The following PLA2G5 variants were observed in gnomAD, a reference collection of about 807,000 sequenced individuals.
PLA2G5 encodes the protein Ca2+-dependent phospholipase A2.
In PLA2G5, 12 loss-of-function variants were observed where a neutral mutation model predicts 15.9. The ratio of observed to expected loss-of-function variants is 0.76; its 90% CI spans 0.48 to 1.23. PLA2G5 has a LOEUF of 1.23. Among genes scored for constraint, PLA2G5 ranks in the 50% most tolerant of loss-of-function variants. The pLI is 0.00. For synonymous variants in PLA2G5, 71 were observed against 71.4 expected (o/e 0.99, Z 0.03); for missense variants, 169 against 177.1 (o/e 0.95, Z 0.26).
intron 2 of PLA2G5, among the ~76,000 whole-genome samples, chr1:20,059,916 T>A (rs937297198): frequency 6.6e-6 from 1 of 152,144 alleles, no homozygotes; most frequent in Non-Finnish European, 1.5e-5. Context: ...CCTTAACAGA[T>A]CAGTTCTGGG....
At position 20,070,340 on chromosome 1, in the gene PLA2G5, G is replaced by A; in HGVS notation, c.-136G>A. 1.0e-6 allele frequency: 1 copy of A among 985,516 alleles called. No individual in the cohort carries two copies. Among genetic ancestry groups the A allele is most frequent in the Non-Finnish European group, 1.2e-6 (1 of 829,978 alleles). The allele number at this position is 985,516 out of a possible 1,614,324, so 61.0% of individuals were successfully genotyped here. On this transcript the variant is annotated 5_prime_UTR_variant, in exon 1 of 5. Coordinates refer to ENST00000375108, the MANE Select transcript of PLA2G5 (RefSeq NM_000929.3). ...GAATTTGACTCCCCCCGGATCCATG[G>A]TCTGTGGATACCAATGTTCCGACTG...
At position 20,081,189 on chromosome 1, in the gene PLA2G5, C is replaced by T. The variant is rs142795433; in HGVS notation, c.-10-3632C>T. Among the ~76,000 whole-genome samples the T allele has an allele frequency of 7.4e-4, 113 of 151,820 alleles. 3 individuals carry two copies. The East Asian group carries it at 0.02, about 27-fold the overall frequency. Reference sequence around the variant, plus strand: ...CCTCTGAAATTCTCTCGCGGCTATGCGCTTCCTCTCTGTGGTCGTTTGATT... The same window carrying T: ...CCTCTGAAATTCTCTCGCGGCTATGTGCTTCCTCTCTGTGGTCGTTTGATT... On this transcript the variant is annotated intron_variant, in intron 1 of 4. Transcript: ENST00000375108.
At chr1:20,057,726 T>G (rs1236197089) in intron 1 of PLA2G5, among the ~76,000 whole-genome samples, 1 of 152,228 alleles carries the variant, frequency 6.6e-6, no homozygotes, top group Non-Finnish European at 1.5e-5. Context: ...CTCAAACTCC[T>G]GACCTCAGGT....
chr1:20,047,341 TTCC>T (rs1038797940), intron 1 of PLA2G5, among the ~76,000 whole-genome samples: 42 of 151,716 alleles, frequency 2.8e-4, no homozygotes, highest in African/African-American at 9.7e-4. Flanking sequence ...CACAGCTCAG[TTCC>T]TCCTTTTAGG....
intron 3 of PLA2G5, among the ~76,000 whole-genome samples, chr1:20,087,471 G>A (rs765398171): frequency 1.4e-4 from 22 of 151,996 alleles, no homozygotes; most frequent in Non-Finnish European, 2.5e-4. Flanking sequence ...TCGGCTCACT[G>A]CAAGCTCCGC....
intron 1 of PLA2G5, among the ~76,000 whole-genome samples, chr1:20,040,828 A>T (rs975329298): frequency 1.3e-5 from 2 of 152,202 alleles, no homozygotes; most frequent in African/African-American, 2.4e-5. Flanking sequence ...ATCTGATTGC[A>T]TCCTTTGGAG....
At chr1:20,034,478 GTTGT>G (rs1259624477) in intron 1 of PLA2G5, among the ~76,000 whole-genome samples, 3 of 152,166 alleles carry the variant, frequency 2.0e-5, no homozygotes, top group African/African-American at 7.2e-5. Flanking sequence ...CCACTGCCTG[GTTGT>G]TAACTCAAAG....
intron 1 of PLA2G5, among the ~76,000 whole-genome samples, chr1:20,033,047 A>G (rs1234708815): frequency 6.6e-6 from 1 of 152,170 alleles, no homozygotes; most frequent in Non-Finnish European, 1.5e-5. Context: ...AATGTAGGAT[A>G]TGGTATGCAT....
At chr1:20,048,529 CT>C (rs1347822849) in intron 1 of PLA2G5, among the ~76,000 whole-genome samples, 1 of 152,178 alleles carries the variant, frequency 6.6e-6, no homozygotes, top group Non-Finnish European at 1.5e-5. Context: ...AACTTCTAAT[CT>C]TGTGGCTTTA....
intron 1 of PLA2G5, among the ~76,000 whole-genome samples, chr1:20,075,610 TCCATG>T (rs1053011238): frequency 3.3e-5 from 5 of 152,168 alleles, no homozygotes; most frequent in Admixed American, 1.3e-4. Context: ...CCAGCCTCAG[TCCATG>T]GTGTGCAGCT....
chr1:20,052,677 T>C (rs1386979007), intron 1 of PLA2G5, among the ~76,000 whole-genome samples: 1 of 152,210 alleles, frequency 6.6e-6, no homozygotes, highest in Non-Finnish European at 1.5e-5. Context: ...ACTCATTTTC[T>C]TCTAAAATTC....
intron 1 of PLA2G5, among the ~76,000 whole-genome samples, chr1:20,076,198 T>C (rs1360765909): frequency 1.3e-5 from 2 of 152,192 alleles, no homozygotes; most frequent in African/African-American, 4.8e-5. Flanking sequence ...GTCTAGGATC[T>C]CTTAGCATTT....
intron 1 of PLA2G5, among the ~76,000 whole-genome samples, chr1:20,032,231 G>A (rs935549077): frequency 6.6e-6 from 1 of 152,218 alleles, no homozygotes; most frequent in South Asian, 2.1e-4. Context: ...TAGAGTCTTC[G>A]CTAGCTATTG....
chr1:20,068,961 G>A (rs1175551257), upstream of PLA2G5: 3 of 1,287,826 alleles, frequency 2.3e-6, no homozygotes, highest in South Asian at 2.5e-5. Context: ...TGGAAGTTAG[G>A]ACAAAGAGGC....
At chr1:20,045,529 C>T (rs533011852) in intron 1 of PLA2G5, among the ~76,000 whole-genome samples, 17 of 152,120 alleles carry the variant, frequency 1.1e-4, no homozygotes, top group African/African-American at 4.1e-4. Flanking sequence ...AGGAAAGGAA[C>T]TGAAATTAAG....
At chr1:20,082,984 G>A (rs1393615313) in intron 1 of PLA2G5, among the ~76,000 whole-genome samples, 1 of 151,970 alleles carries the variant, frequency 6.6e-6, no homozygotes, top group African/African-American at 2.4e-5. Context: ...TGTTTAAAAG[G>A]ACAGACACCG....
chr1:20,030,001 T>C (rs1224711026), intron 1 of PLA2G5, among the ~76,000 whole-genome samples: 1 of 152,150 alleles, frequency 6.6e-6, no homozygotes, highest in East Asian at 1.9e-4. Context: ...TGTTCCAACT[T>C]TTTGTTTTTC....
At chr1:20,042,294 T>G (rs558683433) in intron 1 of PLA2G5, among the ~76,000 whole-genome samples, 1 of 152,024 alleles carries the variant, frequency 6.6e-6, no homozygotes, top group African/African-American at 2.4e-5. Flanking sequence ...GTAAACCAAG[T>G]GTGATCAGGG....
chr1:20,041,901 T>C (rs12408798), intron 1 of PLA2G5, among the ~76,000 whole-genome samples: 43,980 of 152,034 alleles, frequency 0.29, 6,509 homozygotes, highest in Admixed American at 0.35. Flanking sequence ...GCATAAGCAT[T>C]GGCCTGAGCA....
Sources: gnomAD v4.1 joint callset for allele counts (sites outside exome capture counted in the v4.1 genomes callset) on GRCh38, gnomAD v4.1.1 for gene constraint, MANE v1.5 for transcripts, NCBI Gene and HGNC (gene_info 2026-07-23, HGNC 2026-07-21) for gene names.